LRRC8B: variants seen among roughly 807,000 people sequenced by gnomAD.
The protein encoded by LRRC8B is volume-regulated anion channel subunit LRRC8B.
Under a neutral mutation model 58.8 loss-of-function variants are expected in LRRC8B, and 23 were observed. The ratio of observed to expected loss-of-function variants is 0.39; its 90% CI spans 0.28 to 0.55. LRRC8B has a LOEUF of 0.55. LRRC8B is among the 20% of genes least tolerant of loss of function. The probability of loss-of-function intolerance (pLI) is 0.62; values close to 1 mark genes in which losing one functional copy is unlikely to be tolerated. For synonymous variants in LRRC8B, 359 were observed against 374.1 expected, an observed-to-expected ratio of 0.96 and a Z score of 0.47; for missense variants, 694 against 936.0, an observed-to-expected ratio of 0.74 and a Z score of 3.37.
chr1:89,584,123 C>G lies in LRRC8B; in HGVS notation c.1473C>G (p.Ile491Met). 1 of 1,613,456 alleles carries G rather than the reference C, an allele frequency of 6.2e-7. No individual in the cohort carries two copies. The highest frequency in any genetic ancestry group is 2.2e-5 in the East Asian group (1 of 44,876). ...CCTTTCTAGAGGAGAATTTAAAAAT[C>G]CTCCGCCTGAAATTTACTGAAATGG... The part of the protein sequence containing the change: ...ALAFLEENLK[I>M]LRLKFTEMGK... The change falls in exon 5 of 6, where the codon ATC becomes ATG. Residue 491 changes from isoleucine to methionine, a missense_variant. Transcript: ENST00000330947.
intron 1 of LRRC8B, among the ~76,000 whole-genome samples, chr1:89,529,674 A>G (rs940495990): frequency 5.3e-5 from 8 of 152,180 alleles, no homozygotes; most frequent in Non-Finnish European, 1.0e-4. Context: ...TTATAAAATT[A>G]TCTCTAAAAT....
chr1:89,582,550 T>A, intron 4 of LRRC8B, 75 bp from the exon 5 acceptor site: 1 of 827,808 alleles, frequency 1.2e-6, no homozygotes. Flanking sequence ...GGAGGGCATG[T>A]GTGTATGAAT....
intron 3 of LRRC8B, among the ~76,000 whole-genome samples, chr1:89,578,558 C>T (rs541625705): frequency 1.1e-4 from 16 of 152,150 alleles, no homozygotes; most frequent in Non-Finnish European, 2.4e-4. Context: ...GTAAAATAGG[C>T]TTTGCACATG....
chr1:89,557,160 C>T (rs1328156210), intron 1 of LRRC8B, among the ~76,000 whole-genome samples: 1 of 152,136 alleles, frequency 6.6e-6, no homozygotes, highest in Non-Finnish European at 1.5e-5. Context: ...AAATGAGTGA[C>T]ATTCTATGTT....
chr1:89,574,647 AT>A (rs1229405812), intron 3 of LRRC8B, among the ~76,000 whole-genome samples: 1 of 152,152 alleles, frequency 6.6e-6, no homozygotes, highest in East Asian at 1.9e-4. Flanking sequence ...AAAGAGACTA[AT>A]TAAAGAAGAA....
At chr1:89,568,041 TAA>T (rs1462370908) in intron 1 of LRRC8B, among the ~76,000 whole-genome samples, 2 of 152,188 alleles carry the variant, frequency 1.3e-5, no homozygotes, top group African/African-American at 2.4e-5. Flanking sequence ...TCCCAAATGT[TAA>T]GTCTTTCACG....
At chr1:89,555,053 C>G (rs1353450818) in intron 1 of LRRC8B, among the ~76,000 whole-genome samples, 1 of 152,114 alleles carries the variant, frequency 6.6e-6, no homozygotes, top group Non-Finnish European at 1.5e-5. Flanking sequence ...AACTCTGTTT[C>G]CAGAGGGCCC....
At chr1:89,562,819 G>C (rs1047697280) in intron 1 of LRRC8B, among the ~76,000 whole-genome samples, 11 of 152,000 alleles carry the variant, frequency 7.2e-5, no homozygotes, top group African/African-American at 2.7e-4. Context: ...ACAAATTTGG[G>C]GGATCACATT....
chr1:89,535,771 G>T (rs1650483622), intron 1 of LRRC8B, among the ~76,000 whole-genome samples: 1 of 151,954 alleles, frequency 6.6e-6, no homozygotes, highest in African/African-American at 2.4e-5. Flanking sequence ...TGGTTTCTAA[G>T]AACAAGTCTT....
chr1:89,583,842 CA>C lies in LRRC8B; in HGVS notation c.1193del (p.Gln398ArgfsTer13). On this transcript the variant is annotated frameshift_variant, in exon 5 of 6. Coordinates refer to ENST00000330947, the MANE Select transcript of LRRC8B (RefSeq NM_001369817.2). LOFTEE classifies it high-confidence loss of function. The surrounding 1 kb of genome is among the most constrained non-coding windows in gnomAD (Gnocchi z 5.2). ...AGAGGTCAGTGAGAACAAACTGAAA[CA>C]GATCAACCTCAATAATGAATGGACA... ...LSEVSENKLK[Q>X]INLNNEWTVE... 1 of 1,614,122 alleles carries C rather than the reference CA, an allele frequency of 6.2e-7. No homozygotes were observed. The highest frequency in any genetic ancestry group is 8.5e-7 in the Non-Finnish European group (1 of 1,179,994).
chr1:89,589,652 G>A (rs1238998603), intron 5 of LRRC8B, among the ~76,000 whole-genome samples: 2 of 150,940 alleles, frequency 1.3e-5, no homozygotes, highest in African/African-American at 4.9e-5. Flanking sequence ...GTGACACTGG[G>A]TTTTGTTATT....
intron 1 of LRRC8B, chr1:89,550,040 G>A (rs1651688775): frequency 6.6e-6 from 1 of 152,130 alleles, no homozygotes; most frequent in Non-Finnish European, 1.5e-5. Context: ...TGTGGCCAAA[G>A]CTAGGATAAG....
intron 3 of LRRC8B, among the ~76,000 whole-genome samples, chr1:89,571,109 T>C (rs138630656): frequency 6.6e-6 from 1 of 152,310 alleles, no homozygotes; most frequent in East Asian, 1.9e-4. Flanking sequence ...TTTTGGTTAT[T>C]GTAGCCCTGT....
chr1:89,582,379 T>C (rs1654294108), intron 4 of LRRC8B, among the ~76,000 whole-genome samples: 1 of 152,216 alleles, frequency 6.6e-6, no homozygotes, highest in Admixed American at 6.5e-5. Flanking sequence ...GGGCTACCCC[T>C]AAATTTCTTT....
At position 89,584,114 on chromosome 1, in the gene LRRC8B, T is replaced by C. The variant is rs779202286; in HGVS notation, c.1464T>C (p.Asn488=). 10 of 1,613,732 alleles carry C rather than the reference T, an allele frequency of 6.2e-6. No homozygotes were observed. The highest frequency in any genetic ancestry group is 8.5e-6 in the Non-Finnish European group (10 of 1,180,020). Residue 488 remains asparagine, a synonymous_variant, in exon 5 of 6, where the codon AAT becomes AAC. Coordinates refer to ENST00000330947, the MANE Select transcript of LRRC8B (RefSeq NM_001369817.2). ...CTGCACTGGCCTTTCTAGAGGAGAA[T>C]TTAAAAATCCTCCGCCTGAAATTTA... ...DHPALAFLEE[N]LKILRLKFTE...
intron 1 of LRRC8B, among the ~76,000 whole-genome samples, chr1:89,537,340 G>A (rs1039993083): frequency 2.6e-5 from 4 of 152,122 alleles, no homozygotes; most frequent in Non-Finnish European, 5.9e-5. Context: ...TCTGAGTGTC[G>A]GTGTTCCAGC....
intron 1 of LRRC8B, among the ~76,000 whole-genome samples, chr1:89,553,921 C>A (rs1651995786): frequency 6.6e-6 from 1 of 152,076 alleles, no homozygotes; most frequent in Admixed American, 6.6e-5. Flanking sequence ...ATGTATTTTT[C>A]TGTCATTCCC....
chr1:89,534,514 T>TACACACACACACACAC (rs71312000), intron 1 of LRRC8B, among the ~76,000 whole-genome samples: 2 of 149,110 alleles, frequency 1.3e-5, no homozygotes, highest in African/African-American at 4.9e-5. Flanking sequence ...TTTTGTGACA[T>TACACACACACACACAC]ACACACACAC....
In LRRC8B at chr1:89,573,842, G is replaced by A. The variant is rs149772678; in HGVS notation, c.-125+5349G>A. ...CACTTAAGTGTTCATGACTTCCTACGGTGGGCTAAACATGGCTGCTAAGGC... is the reference window on the plus strand; with the variant it reads ...CACTTAAGTGTTCATGACTTCCTACAGTGGGCTAAACATGGCTGCTAAGGC... On this transcript the variant is annotated intron_variant, in intron 3 of 5. Coordinates refer to ENST00000330947, the MANE Select transcript of LRRC8B (RefSeq NM_001369817.2). Among the ~76,000 whole-genome samples the A allele has an allele frequency of 6.6e-5, 10 of 152,214 alleles. No individual in the cohort carries two copies. The East Asian group carries it at 1.5e-3, about 24-fold the overall frequency.
Sources: gnomAD v4.1 joint callset for allele counts (sites outside exome capture counted in the v4.1 genomes callset) on GRCh38, gnomAD v4.1.1 for gene constraint, Gnocchi (gnomAD v3.1) non-coding constraint, MANE v1.5 for transcripts, NCBI Gene and HGNC (gene_info 2026-07-23, HGNC 2026-07-21) for gene names.